Variants in PDE4B observed in about 807,000 individuals in gnomAD.
PDE4B encodes phosphodiesterase 4B.
PDE4B carries 20 observed loss-of-function variants against 82.2 expected under a neutral mutation model. The ratio of observed to expected loss-of-function variants is 0.24; its 90% confidence interval spans 0.17 to 0.35. The LOEUF (loss-of-function observed/expected upper bound fraction) is 0.35, where lower values mean the gene tolerates loss of function less well. PDE4B is among the 10% of genes least tolerant of loss of function. The probability of loss-of-function intolerance (pLI) is 1.00; values close to 1 mark genes in which losing one functional copy is unlikely to be tolerated. For synonymous variants in PDE4B, 320 were observed against 318.9 expected (o/e 1.00, Z -0.04); for missense variants, 655 against 907.2 (o/e 0.72, Z 3.57).
chr1:66,041,731 C>T (rs1375633454), intron 3 of PDE4B, among the ~76,000 whole-genome samples: 2 of 151,352 alleles, frequency 1.3e-5, no homozygotes, highest in Non-Finnish European at 1.5e-5. Context: ...ATGTCATTTT[C>T]CTGCTCCTCT....
Position 65,854,188 on chromosome 1 carries a change from T to TTA in PDE4B, c.-70-59047_-70-59046dup, listed in dbSNP as rs140136239. Among the ~76,000 whole-genome samples the TTA allele has an allele frequency of 7.5e-3, 1,142 of 151,528 alleles. 17 individuals are homozygous for TTA. Among genetic ancestry groups the TTA allele is most frequent in the African/African-American group, 0.026 (1,067 of 41,360 alleles). On this transcript the variant is annotated intron_variant, in intron 1 of 16. Coordinates refer to ENST00000341517, the MANE Select transcript of PDE4B (RefSeq NM_002600.4). Reference sequence around the variant, plus strand: ...CCTTTTAAAAGACTGTATGTTTTGCTTATATATATATGCAAATATATATAT... The same window carrying TTA: ...CCTTTTAAAAGACTGTATGTTTTGCTTATATATATATATGCAAATATATATAT...
In PDE4B at chr1:66,335,274, T is replaced by C. The variant is rs548714379; in HGVS notation, c.747+2654T>C. ...TCTGTGTTCCTAGTTCTGTTTCAGCTACGTGGCCACTAAGTTTTGTTTGCA... is the reference window on the plus strand; with the variant it reads ...TCTGTGTTCCTAGTTCTGTTTCAGCCACGTGGCCACTAAGTTTTGTTTGCA... On this transcript the variant is annotated intron_variant, in intron 8 of 16. Transcript: ENST00000341517. Among the ~76,000 whole-genome samples, 7 of 152,374 alleles carry C rather than the reference T, an allele frequency of 4.6e-5. No homozygotes were observed. In the South Asian group the frequency reaches 1.0e-3, roughly 23 times the overall value.
chr1:66,082,190 C>T (rs547214776), intron 3 of PDE4B, among the ~76,000 whole-genome samples: 34 of 152,184 alleles, frequency 2.2e-4, no homozygotes, highest in Middle Eastern at 3.4e-3. Context: ...TGCTACTTTG[C>T]AGTCTTCTTT....
intron 3 of PDE4B, among the ~76,000 whole-genome samples, chr1:66,162,739 G>A (rs978326434): frequency 1.3e-5 from 2 of 152,128 alleles, no homozygotes; most frequent in Non-Finnish European, 2.9e-5. Context: ...AGATTTTGGA[G>A]CATTTCAGAA....
intron 8 of PDE4B, among the ~76,000 whole-genome samples, chr1:66,339,754 C>T (rs867763061): frequency 1.3e-5 from 2 of 152,068 alleles, no homozygotes; most frequent in African/African-American, 4.8e-5. Flanking sequence ...TAGAATTCAA[C>T]CCGTTAGCAG....
At chr1:66,166,469 C>A (rs1335295571) in intron 3 of PDE4B, among the ~76,000 whole-genome samples, 1 of 152,126 alleles carries the variant, frequency 6.6e-6, no homozygotes, top group Admixed American at 6.5e-5. Context: ...GGCGGGTTGG[C>A]TCACACCTGC....
intron 3 of PDE4B, among the ~76,000 whole-genome samples, chr1:65,981,962 G>A (rs1204878304): frequency 6.6e-6 from 1 of 152,078 alleles, no homozygotes; most frequent in Non-Finnish European, 1.5e-5. Flanking sequence ...AATTTCTGTT[G>A]ATTAAGCCAC....
At chr1:66,058,424 C>A (rs184001924) in intron 3 of PDE4B, among the ~76,000 whole-genome samples, 1 of 152,234 alleles carries the variant, frequency 6.6e-6, no homozygotes, top group Non-Finnish European at 1.5e-5. Flanking sequence ...GGCAGTGCCC[C>A]AGTAGGGACT....
chr1:65,993,090 C>A lies in PDE4B; in HGVS notation c.281+74255C>A. The A allele has an allele frequency of 1.2e-6, 2 of 1,613,926 alleles. 1 individual carries two copies. Among genetic ancestry groups the A allele is most frequent in the South Asian group, 2.2e-5 (2 of 91,064 alleles). ...CTCACCATGCTTTTTCAGAAAGTTGCTGGTGAATAAAAGCATTCGGCAGCG... is the reference window on the plus strand; with the variant it reads ...CTCACCATGCTTTTTCAGAAAGTTGATGGTGAATAAAAGCATTCGGCAGCG... On this transcript the variant is annotated intron_variant, in intron 3 of 16. Transcript: ENST00000341517.
chr1:66,189,825 C>G (rs1201561751), intron 3 of PDE4B, among the ~76,000 whole-genome samples: 1 of 152,192 alleles, frequency 6.6e-6, no homozygotes, highest in African/African-American at 2.4e-5. Flanking sequence ...ACGCCTTCTT[C>G]TCTCAACTCA....
chr1:65,933,123 GAACGGAAAGA>G, intron 3 of PDE4B, among the ~76,000 whole-genome samples: 1 of 152,086 alleles, frequency 6.6e-6, no homozygotes, highest in South Asian at 2.1e-4. Context: ...CAGATGAAAT[GAACGGAAAGA>G]AACCTACACT....
intron 1 of PDE4B, among the ~76,000 whole-genome samples, chr1:65,813,713 G>C (rs918075766): frequency 6.6e-6 from 1 of 152,114 alleles, no homozygotes; most frequent in Non-Finnish European, 1.5e-5. Flanking sequence ...TAGAAATTAT[G>C]ATTTTTAAAG....
At chr1:66,128,752 G>A (rs983801792) in intron 3 of PDE4B, among the ~76,000 whole-genome samples, 15 of 152,202 alleles carry the variant, frequency 9.9e-5, no homozygotes, top group Non-Finnish European at 1.6e-4. Context: ...GGCTAGGGAG[G>A]TCTCACAATC....
chr1:66,044,271 T>A (rs891746025), intron 3 of PDE4B, among the ~76,000 whole-genome samples: 4 of 151,696 alleles, frequency 2.6e-5, no homozygotes, highest in African/African-American at 9.7e-5. Context: ...GGTATATGAA[T>A]TTACAAATGC....
At chr1:66,242,609 G>A (rs1220702073) in intron 3 of PDE4B, among the ~76,000 whole-genome samples, 1 of 152,176 alleles carries the variant, frequency 6.6e-6, no homozygotes, top group Non-Finnish European at 1.5e-5. Flanking sequence ...TGGGGATCAG[G>A]AAACAACCAC....
intron 7 of PDE4B, among the ~76,000 whole-genome samples, chr1:66,321,015 G>T (rs565575401): frequency 6.6e-6 from 1 of 152,152 alleles, no homozygotes; most frequent in African/African-American, 2.4e-5. Flanking sequence ...TATCAGGCTT[G>T]AGGAAAGGAG....
At chr1:65,860,712 T>A (rs971451996) in intron 1 of PDE4B, among the ~76,000 whole-genome samples, 4 of 152,212 alleles carry the variant, frequency 2.6e-5, no homozygotes, top group African/African-American at 9.6e-5. Flanking sequence ...GCACCTGTTG[T>A]TTCCTGACTT....
intron 3 of PDE4B, among the ~76,000 whole-genome samples, chr1:66,124,800 G>C (rs1291483919): frequency 1.3e-5 from 2 of 152,108 alleles, no homozygotes; most frequent in Admixed American, 6.5e-5. Context: ...CGTTCTCCTT[G>C]TGTTTGCGTG....
intron 1 of PDE4B, among the ~76,000 whole-genome samples, chr1:65,887,238 CTTTCTTTCTTTTCTTTCTTTCT>C (rs1646793540): frequency 2.0e-4 from 4 of 19,670 alleles, no homozygotes; most frequent in Non-Finnish European, 3.6e-4. Context: ...TTCTTTCTTT[CTTTCTTTCTTTTCTTTCTTTCT>C]TTCCTTCCTT....
Sources: gnomAD v4.1 joint callset for allele counts (sites outside exome capture counted in the v4.1 genomes callset) on GRCh38, gnomAD v4.1.1 for gene constraint, MANE v1.5 for transcripts, NCBI Gene and HGNC (gene_info 2026-07-23, HGNC 2026-07-21) for gene names.